The following TKTL1 variants were observed in gnomAD, a reference collection of about 807,000 sequenced individuals.
TKTL1 encodes transketolase like 1.
A neutral mutation model predicts 39.3 loss-of-function variants in TKTL1; 1 was observed. That is an observed-to-expected ratio of 0.03 (90% confidence interval 0.01 to 0.12). The LOEUF (loss-of-function observed/expected upper bound fraction) is 0.12, where lower values mean the gene tolerates loss of function less well. TKTL1 is among the 10% of genes least tolerant of loss of function. The pLI, the probability that TKTL1 is intolerant of heterozygous loss-of-function variation, is 1.00. For synonymous variants in TKTL1, 262 were observed against 193.8 expected (o/e 1.35, Z -2.92); for missense variants, 575 against 509.6 (o/e 1.13, Z -1.24).
chrX:154,304,904 C>T (rs782202252), intron 1 of TKTL1: 6 of 705,759 alleles, frequency 8.5e-6, no homozygotes, highest in Admixed American at 6.6e-5. Context: ...AGTCTGTCAC[C>T]GTTCACTTCC....
intron 1 of TKTL1, chrX:154,305,078 T>C (rs1557166923): frequency 2.6e-6 from 3 of 1,135,088 alleles, no homozygotes; most frequent in Non-Finnish European, 2.3e-6. Flanking sequence ...GAGTCCACGG[T>C]GCTCTGCGGT....
intron 2 of TKTL1, 58 bp downstream of exon 2, chrX:154,305,479 A>G: frequency 8.6e-7 from 1 of 1,165,496 alleles, no homozygotes; most frequent in Non-Finnish European, 1.2e-6. Context: ...CCCAGTTTGA[A>G]CAGCCACCGT....
At position 154,323,233 on chromosome X, in the gene TKTL1, C is replaced by G; in HGVS notation, c.1213C>G (p.Leu405Val). ...VGDDGASQMALEDIAMFRTIP... is the reference protein window; with the variant it reads ...VGDDGASQMAVEDIAMFRTIP... The stretch of plus-strand genomic sequence containing the variant: ...TGACGATGGTGCTTCCCAGATGGCC[C>G]TGGAGGATATAGCCATGTTCCGAAC... The change falls in exon 9 of 13, where the codon CTG becomes GTG. Residue 405 changes from leucine (L) to valine (V), a missense_variant. Coordinates refer to ENST00000369915, the MANE Select transcript of TKTL1 (RefSeq NM_012253.4). 1 of 1,211,233 alleles carries G rather than the reference C, an allele frequency of 8.3e-7. No homozygotes were observed. The highest frequency in any genetic ancestry group is 1.8e-5 in the South Asian group (1 of 56,904).
chrX:154,325,259 C>T (rs1259906476), intron 9 of TKTL1, 80 bp from the exon 10 acceptor site: 31 of 936,558 alleles, frequency 3.3e-5, no homozygotes, highest in Middle Eastern at 5.3e-4. Flanking sequence ...CTCTTCACAC[C>T]CCTCCTTCAC....
chrX:154,306,066 G>A (rs1233339435), intron 2 of TKTL1, among the ~76,000 whole-genome samples: 1 of 110,724 alleles, frequency 9.0e-6, no homozygotes, highest in African/African-American at 3.3e-5. Context: ...CAGCACTTTG[G>A]GAGACTGAGG....
intron 3 of TKTL1, among the ~76,000 whole-genome samples, chrX:154,310,155 G>GA (rs1462711445): frequency 1.9e-4 from 21 of 111,881 alleles, no homozygotes; most frequent in African/African-American, 6.5e-4. Context: ...TAAGTTGTAA[G>GA]AACAGAACTA....
chrX:154,315,149 C>T lies in TKTL1; in HGVS notation c.865-24C>T, dbSNP rs1557169080. 4 of 1,196,841 alleles carry T rather than the reference C, an allele frequency of 3.3e-6. No homozygotes were observed. The Admixed American group carries it at 8.9e-5, about 27-fold the overall frequency. On this transcript the variant is annotated intron_variant, in intron 6 of 12. Coordinates refer to ENST00000369915, the MANE Select transcript of TKTL1 (RefSeq NM_012253.4). The stretch of plus-strand genomic sequence containing the variant: ...CTAAATGCATTTGAAGAAACTCTAC[C>T]ACCTGATTGTCTCTGTCTTCTAGAT...
chrX:154,316,209 A>T (rs1190295552), intron 7 of TKTL1, among the ~76,000 whole-genome samples: 1 of 111,074 alleles, frequency 9.0e-6, no homozygotes, highest in Admixed American at 9.6e-5. Flanking sequence ...AGCTAGGACT[A>T]CAGGTGCCCA....
At chrX:154,314,775 T>A in intron 6 of TKTL1, among the ~76,000 whole-genome samples, 1 of 111,363 alleles carries the variant, frequency 9.0e-6, no homozygotes, top group East Asian at 2.8e-4. Flanking sequence ...TCCACCTGCC[T>A]CAGCCTCCCA....
chrX:154,312,489 A>G, intron 5 of TKTL1, 91 bp from the exon 6 acceptor site: 4 of 938,754 alleles, frequency 4.3e-6, no homozygotes, highest in Non-Finnish European at 5.8e-6. Context: ...CTAGGGTGAC[A>G]TCTTTTTCAT....
chrX:154,310,673 T>G (rs192059163), intron 3 of TKTL1, among the ~76,000 whole-genome samples, 163 bp from the exon 4 acceptor site: 6 of 111,847 alleles, frequency 5.4e-5, no homozygotes, highest in Admixed American at 1.9e-4. Context: ...AGCTCGGCTT[T>G]CTTAGCTGCT....
intron 1 of TKTL1, among the ~76,000 whole-genome samples, chrX:154,302,651 T>C (rs2067282621): frequency 9.0e-6 from 1 of 111,673 alleles, no homozygotes; most frequent in East Asian, 2.8e-4. Flanking sequence ...GGGGACACAT[T>C]CAGTCCATGG....
chrX:154,320,859 G>A lies in TKTL1; in HGVS notation c.1132G>A (p.Gly378Ser). The A allele has an allele frequency of 1.7e-6, 2 of 1,211,429 alleles. No individual in the cohort carries two copies. Among genetic ancestry groups the A allele is most frequent in the South Asian group, 3.5e-5 (2 of 56,948 alleles). Residue 378 changes from glycine to serine, a missense_variant, in exon 8 of 13, where the codon GGC (glycine) becomes AGC (serine). Physicochemically the swap from Gly to Ser is moderately conservative, Grantham distance 56 (BLOSUM62 0). Coordinates refer to ENST00000369915, the MANE Select transcript of TKTL1 (RefSeq NM_012253.4). ...TRAFDHIRIG[G>S]LAESNINIIG... ...AGCATTTGATCACATCCGGATAGGA[G>A]GCCTCGCTGAGAGCAACATCAACAT... is the stretch of plus-strand genomic sequence containing the variant.
chrX:154,321,338 C>A (rs1557170753), intron 8 of TKTL1, among the ~76,000 whole-genome samples: 1 of 109,810 alleles, frequency 9.1e-6, no homozygotes. Context: ...CACCACCTTC[C>A]TGCCTGGGGC....
At chrX:154,307,530 C>T (rs998835027) in intron 2 of TKTL1, among the ~76,000 whole-genome samples, 4 of 112,829 alleles carry the variant, frequency 3.5e-5, no homozygotes, top group African/African-American at 1.3e-4. Flanking sequence ...AGACAGCACC[C>T]ATGTGGGAGC....
chrX:154,327,998 GT>G lies in TKTL1; in HGVS notation c.1618+45del. On this transcript the variant is annotated intron_variant, in intron 12 of 12. Coordinates refer to ENST00000369915, the MANE Select transcript of TKTL1 (RefSeq NM_012253.4). ...TGAGAATGCTTTGGAAGGTTTTGGT[GT>G]TTTTGTTTCCTTGATTGGCCACATG... The G allele has an allele frequency of 3.3e-6, 4 of 1,206,231 alleles. No homozygotes were observed. In the South Asian group the frequency reaches 7.1e-5, roughly 21 times the overall value.
intron 1 of TKTL1, among the ~76,000 whole-genome samples, chrX:154,304,768 G>T (rs1282900361): frequency 9.1e-6 from 1 of 109,810 alleles, no homozygotes; most frequent in African/African-American, 3.3e-5. Flanking sequence ...CTGCTGTCTT[G>T]TCCCCTCCCC....
At chrX:154,301,114 T>C (rs1557165828) in intron 1 of TKTL1, among the ~76,000 whole-genome samples, 2 of 112,057 alleles carry the variant, frequency 1.8e-5, no homozygotes, top group African/African-American at 6.5e-5. Flanking sequence ...TGTAAGAGTG[T>C]GTTGCTTAAT....
intron 3 of TKTL1, among the ~76,000 whole-genome samples, chrX:154,310,044 T>G (rs1557167984): frequency 9.0e-6 from 1 of 111,391 alleles, no homozygotes; most frequent in Admixed American, 9.5e-5. Context: ...CAGATGTGTT[T>G]TCTTGATGCG....
Sources: gnomAD v4.1 joint callset for allele counts (sites outside exome capture counted in the v4.1 genomes callset) on GRCh38, gnomAD v4.1.1 for gene constraint, MANE v1.5 for transcripts, NCBI Gene and HGNC (gene_info 2026-07-23, HGNC 2026-07-21) for gene names.